The following PSTPIP2 variants were observed in gnomAD, a reference collection of about 807,000 sequenced individuals.
PSTPIP2 encodes the protein proline-serine-threonine phosphatase-interacting protein 2.
In PSTPIP2, 33 loss-of-function variants were observed where a neutral mutation model predicts 63.3. The ratio of observed to expected loss-of-function variants is 0.52; its 90% confidence interval spans 0.40 to 0.70. PSTPIP2 has a LOEUF of 0.70. PSTPIP2 is among the 30% of genes least tolerant of loss of function. The probability of loss-of-function intolerance (pLI) is 0.00; values close to 1 mark genes in which losing one functional copy is unlikely to be tolerated. For missense variants in PSTPIP2, 312 were observed against 400.7 expected, an observed-to-expected ratio of 0.78 and a Z score of 1.89; for synonymous variants, 125 against 132.7, an observed-to-expected ratio of 0.94 and a Z score of 0.40.
At chr18:46,055,759 C>T (rs544840488) in intron 1 of PSTPIP2, among the ~76,000 whole-genome samples, 164 of 152,336 alleles carry the variant, frequency 1.1e-3, no homozygotes, top group African/African-American at 3.8e-3. Flanking sequence ...ACTTGATATA[C>T]TTTTTAAAAC....
intron 2 of PSTPIP2, among the ~76,000 whole-genome samples, chr18:46,035,561 G>C (rs1258956870): frequency 6.6e-6 from 1 of 152,106 alleles, no homozygotes; most frequent in African/African-American, 2.4e-5. Flanking sequence ...AAGTAAAGAC[G>C]TACAGGCAGA....
chr18:46,045,668 A>G (rs1452063467), intron 1 of PSTPIP2, among the ~76,000 whole-genome samples: 2 of 116,300 alleles, frequency 1.7e-5, no homozygotes, highest in Non-Finnish European at 3.9e-5. Flanking sequence ...TAACAATAAT[A>G]AAGTAAATAA....
At chr18:46,010,682 T>C (rs1193066746) in intron 5 of PSTPIP2, 1 of 153,662 alleles carries the variant, frequency 6.5e-6, no homozygotes, top group Non-Finnish European at 1.5e-5. Context: ...AAAAAGAGCC[T>C]ATGTATAGCT....
intron 2 of PSTPIP2, among the ~76,000 whole-genome samples, chr18:46,031,615 T>G (rs1332606195): frequency 6.6e-6 from 1 of 152,204 alleles, no homozygotes; most frequent in African/African-American, 2.4e-5. Context: ...AATGAACATT[T>G]AATATTTTTA....
In PSTPIP2 at chr18:46,006,360, C is replaced by CTTTTTTTTTTTTTTTTTTTTTTTTT. The variant is rs756384731; in HGVS notation, c.355-854_355-830dup. On this transcript the variant is annotated intron_variant, in intron 5 of 14. Coordinates refer to ENST00000409746, the MANE Select transcript of PSTPIP2 (RefSeq NM_024430.4). ...TGAGCCACCATGCCCAGCCCTGGTA[C>CTTTTTTTTTTTTTTTTTTTTTTTTT]TTTTTTTTTTTTTTTTTTTTTTTTT... is the stretch of plus-strand genomic sequence containing the variant. Among the ~76,000 whole-genome samples the CTTTTTTTTTTTTTTTTTTTTTTTTT allele has an allele frequency of 5.2e-5, 6 of 115,628 alleles. 3 individuals are homozygous for CTTTTTTTTTTTTTTTTTTTTTTTTT. Among genetic ancestry groups the CTTTTTTTTTTTTTTTTTTTTTTTTT allele is most frequent in the African/African-American group, 7.4e-5 (2 of 27,084 alleles). The allele number at this position is 115,628 out of a possible 152,430, so 75.9% of individuals were successfully genotyped here.
chr18:45,997,165 A>C (rs1179064913), intron 9 of PSTPIP2, among the ~76,000 whole-genome samples: 1 of 151,978 alleles, frequency 6.6e-6, no homozygotes, highest in African/African-American at 2.4e-5. Flanking sequence ...TCCATTCTTC[A>C]CTTAAATTTC....
chr18:46,029,621 CA>C (rs1907716757), intron 2 of PSTPIP2: 1 of 762,142 alleles, frequency 1.3e-6, no homozygotes, highest in Admixed American at 1.8e-5. Context: ...AACTTGGTTA[CA>C]GGTGTTAATT....
At position 46,016,012 on chromosome 18, in the gene PSTPIP2, G is replaced by T. The variant is rs2051849644; in HGVS notation, c.213-75C>A. The T allele has an allele frequency of 9.4e-6, 14 of 1,492,474 alleles. 1 individual carries two copies. The South Asian group carries it at 1.3e-4, about 14-fold the overall frequency. 92.5% of individuals were successfully genotyped at this position (1,492,474 alleles called of 1,614,324 possible). The stretch of plus-strand genomic sequence containing the variant: ...CAATCTTATTATAATGCCTTTGCAT[G>T]CTTCTCTCTGCCCATATCTTAACTT... On this transcript the variant is annotated intron_variant, in intron 3 of 14. Coordinates refer to ENST00000409746, the MANE Select transcript of PSTPIP2 (RefSeq NM_024430.4).
chr18:45,996,499 G>A (rs1037411179), intron 9 of PSTPIP2, among the ~76,000 whole-genome samples: 2 of 152,140 alleles, frequency 1.3e-5, no homozygotes, highest in Non-Finnish European at 2.9e-5. Context: ...GGAAGAAAAT[G>A]TGTAGGCAGG....
rs1375377283 is a variant in PSTPIP2 at position 45,984,230 on chromosome 18, G to A, written c.*1229C>T. 1 of 152,228 alleles carries A rather than the reference G, an allele frequency of 6.6e-6. No individual in the cohort carries two copies. The highest frequency in any genetic ancestry group is 1.5e-5 in the Non-Finnish European group (1 of 68,050). The allele number at this position is 152,228 out of a possible 1,614,324, so 9.4% of individuals were successfully genotyped here. ...AGTTCTGGAAAAGCTACTGCACAGA[G>A]CAGGAGAGGAAACTATTTGCTCTCT... On this transcript the variant is annotated 3_prime_UTR_variant, in exon 15 of 15. Coordinates refer to ENST00000409746, the MANE Select transcript of PSTPIP2 (RefSeq NM_024430.4).
At chr18:46,042,706 G>A (rs942414283) in intron 1 of PSTPIP2, among the ~76,000 whole-genome samples, 1 of 152,186 alleles carries the variant, frequency 6.6e-6, no homozygotes, top group Non-Finnish European at 1.5e-5. Context: ...AATGGTCAGT[G>A]TCAAAACCGG....
chr18:46,059,887 CG>C (rs1908927501), intron 1 of PSTPIP2, among the ~76,000 whole-genome samples: 2 of 151,866 alleles, frequency 1.3e-5, no homozygotes, highest in Non-Finnish European at 2.9e-5. Context: ...AAAAATTACC[CG>C]GGCGTGGTGG....
intron 7 of PSTPIP2, among the ~76,000 whole-genome samples, 182 bp downstream of exon 7, chr18:45,999,254 C>A (rs1337317971): frequency 1.3e-5 from 2 of 152,224 alleles, no homozygotes; most frequent in African/African-American, 4.8e-5. Context: ...GCTTCTGTCG[C>A]TCTTCCCCTA....
chr18:45,995,697 G>T (rs901709711), intron 9 of PSTPIP2, among the ~76,000 whole-genome samples: 1 of 152,226 alleles, frequency 6.6e-6, no homozygotes, highest in South Asian at 2.1e-4. Flanking sequence ...GATGCTGCAG[G>T]CTGGGGCAGT....
intron 1 of PSTPIP2, among the ~76,000 whole-genome samples, chr18:46,062,732 G>T (rs969373270): frequency 6.6e-6 from 1 of 152,042 alleles, no homozygotes; most frequent in African/African-American, 2.4e-5. Flanking sequence ...AGCCAGGAAG[G>T]TCTCAATCTC....
intron 1 of PSTPIP2, chr18:46,041,083 G>C: frequency 2.2e-6 from 1 of 456,656 alleles, no homozygotes; most frequent in South Asian, 1.5e-5. Context: ...CGCTATTGAG[G>C]GTCAAGGGTA....
At chr18:46,033,612 C>T (rs909197125) in intron 2 of PSTPIP2, among the ~76,000 whole-genome samples, 12 of 150,628 alleles carry the variant, frequency 8.0e-5, no homozygotes, top group Admixed American at 6.6e-4. Flanking sequence ...GCAGGAGAAT[C>T]GCTTGAACCT....
At position 45,985,184 on chromosome 18, in the gene PSTPIP2, C is replaced by T; in HGVS notation, c.*275G>A. 2.1e-6 allele frequency: 1 copy of T among 469,300 alleles called. No homozygotes were observed. Among genetic ancestry groups the T allele is most frequent in the Admixed American group, 4.0e-5 (1 of 25,064 alleles). 29.1% of individuals were successfully genotyped at this position (469,300 alleles called of 1,614,324 possible). On this transcript the variant is annotated 3_prime_UTR_variant, in exon 15 of 15. Coordinates refer to ENST00000409746, the MANE Select transcript of PSTPIP2 (RefSeq NM_024430.4). Reference sequence around the variant, plus strand: ...AATCCAGAAGTGGATTTCATGCTTCCCATGTTGAAAACCTAATTCATTCAT... The same window carrying T: ...AATCCAGAAGTGGATTTCATGCTTCTCATGTTGAAAACCTAATTCATTCAT...
intron 1 of PSTPIP2, among the ~76,000 whole-genome samples, chr18:46,058,749 G>T (rs375796517): frequency 2.6e-5 from 4 of 152,174 alleles, no homozygotes; most frequent in Non-Finnish European, 4.4e-5. Context: ...AAAGGCAGGG[G>T]TGCTGAGGAG....
Sources: allele counts gnomAD v4.1 joint callset (sites outside exome capture counted in the v4.1 genomes callset), GRCh38; gene constraint gnomAD v4.1.1; transcripts MANE v1.5; gene names NCBI Gene and HGNC (gene_info 2026-07-23, HGNC 2026-07-21).